TMC5: variants seen among roughly 807,000 people sequenced by gnomAD.
TMC5 encodes the protein transmembrane channel like 5, also known as transmembrane channel-like protein 5.
Under a neutral mutation model 110.5 loss-of-function variants are expected in TMC5, and 86 were observed. The observed-to-expected ratio is 0.78, with a 90% CI of 0.65 to 0.93. The LOEUF (loss-of-function observed/expected upper bound fraction) is 0.93. Ranked by LOEUF, TMC5 falls within the 40% of genes least tolerant of loss-of-function variation. TMC5 has a pLI of 0.00. For synonymous variants in TMC5, 455 were observed against 439.5 expected, an observed-to-expected ratio of 1.04 and a Z score of -0.44; for missense variants, 1,144 against 1,222.8, an observed-to-expected ratio of 0.94 and a Z score of 0.96.
chr16:19,483,184 G>T (rs1451850088), intron 15 of TMC5, among the ~76,000 whole-genome samples: 1 of 152,094 alleles, frequency 6.6e-6, no homozygotes, highest in African/African-American at 2.4e-5. Context: ...TTGAGACAGG[G>T]TCTCACTCTG....
intron 5 of TMC5, among the ~76,000 whole-genome samples, chr16:19,449,973 A>AT (rs1967713067): frequency 6.6e-6 from 1 of 152,188 alleles, no homozygotes; most frequent in African/African-American, 2.4e-5. Context: ...CTCAGGCAGT[A>AT]TTTTTATAGC....
intron 15 of TMC5, among the ~76,000 whole-genome samples, chr16:19,485,847 G>A (rs922009358): frequency 3.3e-5 from 5 of 152,202 alleles, no homozygotes; most frequent in Non-Finnish European, 7.3e-5. Context: ...CGAGCACCGC[G>A]GGAGAGTTGT....
intron 12 of TMC5, among the ~76,000 whole-genome samples, chr16:19,475,782 T>C (rs1326424130): frequency 6.7e-6 from 1 of 149,648 alleles, no homozygotes; most frequent in East Asian, 2.0e-4. Flanking sequence ...CCTTTTCTCC[T>C]CTGCAGTATA....
chr16:19,424,479 C>T (rs547107019), intron 1 of TMC5, among the ~76,000 whole-genome samples: 48 of 152,104 alleles, frequency 3.2e-4, no homozygotes, highest in Non-Finnish European at 2.8e-4. Flanking sequence ...GGCAGAAACC[C>T]GTCTACAAAA....
intron 8 of TMC5, among the ~76,000 whole-genome samples, chr16:19,465,637 C>G (rs1047908221): frequency 7.9e-5 from 12 of 152,166 alleles, no homozygotes; most frequent in African/African-American, 2.9e-4. Context: ...CAACATCCTA[C>G]CTTCTGGAAT....
rs1375907881 is a variant in TMC5, at chr16:19,412,215, C to A, written c.-308+1039C>A. Among the ~76,000 whole-genome samples, 2 of 151,358 alleles carry A rather than the reference C, an allele frequency of 1.3e-5. 1 individual carries two copies. Among genetic ancestry groups the A allele is most frequent in the Non-Finnish European group, 2.9e-5 (2 of 67,866 alleles). The stretch of plus-strand genomic sequence containing the variant: ...CCTCCCGAGTAGCTGGGACCAAAGG[C>A]ACGCACCACCATGCCTGGCTAATTT... On this transcript the variant is annotated intron_variant, in intron 1 of 20. Transcript: ENST00000381414.
chr16:19,415,605 C>A (rs1385107741), upstream of TMC5, among the ~76,000 whole-genome samples: 1 of 152,162 alleles, frequency 6.6e-6, no homozygotes, highest in African/African-American at 2.4e-5. Context: ...GAATCAAAAT[C>A]ACTGCTTTGA....
intron 8 of TMC5, among the ~76,000 whole-genome samples, chr16:19,464,252 C>G (rs1471123964): frequency 6.6e-6 from 1 of 152,024 alleles, no homozygotes; most frequent in Non-Finnish European, 1.5e-5. Flanking sequence ...TGGCAAAACC[C>G]CGTCTCTACA....
upstream of TMC5, among the ~76,000 whole-genome samples, chr16:19,416,278 G>C (rs1374140169): frequency 6.6e-6 from 1 of 151,040 alleles, no homozygotes; most frequent in Non-Finnish European, 1.5e-5. Flanking sequence ...TCTTTTAAAT[G>C]ATACTCCCCC....
intron 1 of TMC5, among the ~76,000 whole-genome samples, chr16:19,420,421 C>T (rs920539345): frequency 2.6e-4 from 39 of 148,758 alleles, no homozygotes; most frequent in East Asian, 1.4e-3. Flanking sequence ...AGCAAGACTC[C>T]GTCTCAAAAA....
At chr16:19,444,639 G>T (rs964145474) in intron 4 of TMC5, among the ~76,000 whole-genome samples, 6 of 152,136 alleles carry the variant, frequency 3.9e-5, no homozygotes, top group Non-Finnish European at 7.4e-5. Flanking sequence ...ATTTTTAAAA[G>T]TAAAAACAGT....
At position 19,440,029 on chromosome 16, in the gene TMC5, C is replaced by G. The variant is rs753054773; in HGVS notation, c.-10C>G. 6.2e-7 allele frequency: 1 copy of G among 1,607,964 alleles called. No individual in the cohort carries two copies. The highest frequency in any genetic ancestry group is 1.1e-5 in the South Asian group (1 of 90,292). Reference sequence around the variant, plus strand: ...AGTTTACCACTCCAGGGTGAAGAGTCCATACCAACATGTCTGCCTACTACA... The same window carrying G: ...AGTTTACCACTCCAGGGTGAAGAGTGCATACCAACATGTCTGCCTACTACA... On this transcript the variant is annotated 5_prime_UTR_variant, in exon 3 of 22. Coordinates refer to ENST00000542583, the MANE Select transcript of TMC5 (RefSeq NM_001261841.2).
At chr16:19,482,957 G>A (rs34776130) in intron 15 of TMC5, among the ~76,000 whole-genome samples, 17,569 of 151,832 alleles carry the variant, frequency 0.12, 1,358 homozygotes, top group East Asian at 0.37. Context: ...TCCACCTCCC[G>A]GGTTCAAGCA....
At chr16:19,415,878 T>C (rs1301574999), upstream of TMC5, among the ~76,000 whole-genome samples, 1 of 152,186 alleles carries the variant, frequency 6.6e-6, no homozygotes, top group Admixed American at 6.5e-5. Flanking sequence ...TTGCATTTAG[T>C]GCTAATACAT....
intron 6 of TMC5, among the ~76,000 whole-genome samples, chr16:19,460,917 A>G (rs943736513): frequency 2.0e-5 from 3 of 152,170 alleles, no homozygotes; most frequent in Admixed American, 1.3e-4. Context: ...GCATTTTGGG[A>G]GGCCAAGGTG....
Position 19,444,203 on chromosome 16 carries a change from C to A in TMC5, c.911C>A (p.Ala304Glu), listed in dbSNP as rs1268834785. 1 of 1,613,944 alleles carries A rather than the reference C, an allele frequency of 6.2e-7. No individual in the cohort carries two copies. The highest frequency in any genetic ancestry group is 1.3e-5 in the African/African-American group (1 of 75,022). Residue 304 changes from alanine (A) to glutamate (E), a missense_variant, in exon 4 of 22, where the codon GCA (alanine) becomes GAA (glutamate). By Grantham distance (107) the Ala-to-Glu change is moderately radical. Coordinates refer to ENST00000542583, the MANE Select transcript of TMC5 (RefSeq NM_001261841.2). The stretch of plus-strand genomic sequence containing the variant: ...ATTGAAATGGCATCCATGGAGATGG[C>A]AAACTCATATGGCCACTCTCTGCCA... ...EGIEMASMEM[A>E]NSYGHSLPGA...
intron 5 of TMC5, among the ~76,000 whole-genome samples, chr16:19,459,383 G>A (rs1226431374): frequency 6.6e-6 from 1 of 152,078 alleles, no homozygotes; most frequent in African/African-American, 2.4e-5. Flanking sequence ...AGAAAAGGAG[G>A]GTGTACTTCT....
chr16:19,492,942 A>ATATATATATATATATAT lies in TMC5; in HGVS notation c.2826+714_2826+715insTATATATATATATATAT, dbSNP rs57619005. Among the ~76,000 whole-genome samples the ATATATATATATATATAT allele has an allele frequency of 1.8e-4, 19 of 107,694 alleles. 1 individual carries two copies. The highest frequency in any genetic ancestry group is 1.3e-3 in the South Asian group (3 of 2,350). The allele number at this position is 107,694 out of a possible 152,430, so 70.7% of individuals were successfully genotyped here. A position where few individuals can be genotyped will look rare whatever the true frequency, so the allele number is the denominator to read the frequency against. Reference sequence around the variant, plus strand: ...TATATATATATATATATCTCTCTATAAGATAAATACTTTTATTTCATTTAT... The same window carrying ATATATATATATATATAT: ...TATATATATATATATATCTCTCTATATATATATATATATATATAGATAAATACTTTTATTTCATTTAT... On this transcript the variant is annotated intron_variant, in intron 19 of 21. Transcript: ENST00000542583.
At chr16:19,425,923 G>A (rs1967080184) in intron 1 of TMC5, among the ~76,000 whole-genome samples, 3 of 152,202 alleles carry the variant, frequency 2.0e-5, no homozygotes, top group Admixed American at 2.0e-4. Context: ...CTGACCTCAG[G>A]CAATCCACCC....
Sources: gnomAD v4.1 joint callset for allele counts (sites outside exome capture counted in the v4.1 genomes callset) on GRCh38, gnomAD v4.1.1 for gene constraint, MANE v1.5 for transcripts, NCBI Gene and HGNC (gene_info 2026-07-23, HGNC 2026-07-21) for gene names.